EPHA5: variants seen among roughly 807,000 people sequenced by gnomAD.
The protein encoded by EPHA5 is EPH receptor A5, also known as ephrin type-A receptor 5.
EPHA5 carries 60 observed loss-of-function variants against 105.0 expected under a neutral mutation model. The observed-to-expected ratio is 0.57, with a 90% CI of 0.46 to 0.71. The LOEUF (loss-of-function observed/expected upper bound fraction) is 0.71, where lower values mean the gene tolerates loss of function less well. Ranked by LOEUF, EPHA5 falls within the 30% of genes least tolerant of loss-of-function variation. The pLI is 0.00. For synonymous variants in EPHA5, 513 were observed against 449.1 expected, an observed-to-expected ratio of 1.14 and a Z score of -1.80; for missense variants, 1,218 against 1,274.7, an observed-to-expected ratio of 0.96 and a Z score of 0.68.
chr4:65,592,626 A>G (rs1300332247), intron 3 of EPHA5, among the ~76,000 whole-genome samples: 1 of 152,232 alleles, frequency 6.6e-6, no homozygotes, highest in Non-Finnish European at 1.5e-5. Context: ...ACCTTCAAGA[A>G]TCAAAATCAG....
At chr4:65,364,773 G>T (rs187370342) in intron 11 of EPHA5, among the ~76,000 whole-genome samples, 1 of 151,358 alleles carries the variant, frequency 6.6e-6, no homozygotes, top group East Asian at 1.9e-4. Context: ...CTTTTATCTG[G>T]ATACATTTTT....
At chr4:65,326,157 A>T (rs771141817) in intron 16 of EPHA5, among the ~76,000 whole-genome samples, 1 of 150,808 alleles carries the variant, frequency 6.6e-6, no homozygotes, top group Non-Finnish European at 1.5e-5. Context: ...TACATCCTGT[A>T]TGCTAGAAAT....
intron 2 of EPHA5, among the ~76,000 whole-genome samples, chr4:65,624,852 C>T (rs1308131458): frequency 2.6e-5 from 4 of 152,046 alleles, no homozygotes; most frequent in Non-Finnish European, 1.5e-5. Context: ...GATTTCTTAC[C>T]AATAAAGTGG....
intron 5 of EPHA5, among the ~76,000 whole-genome samples, chr4:65,453,736 G>C (rs577286235): frequency 6.6e-6 from 1 of 152,246 alleles, no homozygotes; most frequent in East Asian, 1.9e-4. Flanking sequence ...GGAAGAATCA[G>C]GGGAGAAGGG....
chr4:65,640,765 C>T (rs1158091344), intron 2 of EPHA5, among the ~76,000 whole-genome samples: 1 of 152,182 alleles, frequency 6.6e-6, no homozygotes, highest in Non-Finnish European at 1.5e-5. Context: ...TGCTTGTGCA[C>T]AAGTAAAACC....
intron 5 of EPHA5, among the ~76,000 whole-genome samples, chr4:65,488,337 T>C (rs1359605516): frequency 6.6e-6 from 1 of 152,222 alleles, no homozygotes; most frequent in Admixed American, 6.5e-5. Flanking sequence ...AAAATGTACT[T>C]CTAAAGGAAC....
intron 3 of EPHA5, among the ~76,000 whole-genome samples, chr4:65,568,346 T>C (rs924255665): frequency 2.0e-5 from 3 of 151,464 alleles, no homozygotes; most frequent in Non-Finnish European, 3.0e-5. Flanking sequence ...CTCAAAATAT[T>C]GTTGCATTTG....
intron 3 of EPHA5, among the ~76,000 whole-genome samples, chr4:65,552,307 C>T (rs184541992): frequency 9.9e-5 from 15 of 152,264 alleles, no homozygotes; most frequent in Admixed American, 9.2e-4. Flanking sequence ...ATTGTTAAAG[C>T]GATATCTTTC....
At position 65,502,164 on chromosome 4, in the gene EPHA5, A is replaced by G. The variant is rs922437129; in HGVS notation, c.911-6621T>C. Among the ~76,000 whole-genome samples the G allele has an allele frequency of 2.8e-4, 42 of 151,710 alleles. 1 individual carries two copies. The highest frequency in any genetic ancestry group is 2.6e-3 in the Admixed American group (39 of 15,144). On this transcript the variant is annotated intron_variant, in intron 3 of 16. Transcript: ENST00000613740. Reference sequence around the variant, plus strand: ...TATAAAAATCCTAGAAGAAAACATTAGGAAACACCATTCTAGACATTGACT... The same window carrying G: ...TATAAAAATCCTAGAAGAAAACATTGGGAAACACCATTCTAGACATTGACT...
At chr4:65,405,109 T>C (rs1280477091) in intron 7 of EPHA5, among the ~76,000 whole-genome samples, 1 of 152,176 alleles carries the variant, frequency 6.6e-6, no homozygotes, top group African/African-American at 2.4e-5. Context: ...TATCTTACGA[T>C]TGGATACATT....
intron 8 of EPHA5, among the ~76,000 whole-genome samples, chr4:65,387,395 T>G (rs1165147358): frequency 1.3e-5 from 2 of 152,000 alleles, no homozygotes; most frequent in African/African-American, 4.8e-5. Flanking sequence ...AGAAGTTCCT[T>G]CTCATTTCAA....
chr4:65,527,255 T>C (rs78541533), intron 3 of EPHA5, among the ~76,000 whole-genome samples: 1 of 152,228 alleles, frequency 6.6e-6, no homozygotes, highest in African/African-American at 2.4e-5. Context: ...GAACCTATAA[T>C]AGAATACTAC....
At chr4:65,488,816 C>A (rs903216219) in intron 5 of EPHA5, among the ~76,000 whole-genome samples, 1 of 151,168 alleles carries the variant, frequency 6.6e-6, no homozygotes, top group African/African-American at 2.4e-5. Flanking sequence ...ACAATCTGGG[C>A]TAATTTTGAA....
At chr4:65,468,532 C>A (rs1180016483) in intron 5 of EPHA5, among the ~76,000 whole-genome samples, 25 of 127,700 alleles carry the variant, frequency 2.0e-4, no homozygotes, top group African/African-American at 6.5e-4. Flanking sequence ...CAGACACACA[C>A]CTTTATATAT....
At chr4:65,388,684 G>T in intron 8 of EPHA5, among the ~76,000 whole-genome samples, 1 of 145,132 alleles carries the variant, frequency 6.9e-6, no homozygotes, top group African/African-American at 2.6e-5. Flanking sequence ...TTGTAAATTT[G>T]TTGGAGTTCA....
chr4:65,593,356 T>A (rs530310830), intron 3 of EPHA5, among the ~76,000 whole-genome samples: 1 of 152,292 alleles, frequency 6.6e-6, no homozygotes, highest in East Asian at 1.9e-4. Flanking sequence ...AATAAATTAC[T>A]GTTCTTGACC....
In EPHA5 at chr4:65,474,012, G is replaced by A. The variant is rs1418277871; in HGVS notation, c.1402+16365C>T. On this transcript the variant is annotated intron_variant, in intron 5 of 16. Coordinates refer to ENST00000613740, the MANE Select transcript of EPHA5 (RefSeq NM_001281766.3). The stretch of plus-strand genomic sequence containing the variant: ...AGGAAGGGGGACATCACACACCGGG[G>A]CCTGTTGTGGGGTGGGGGGAGAGGG... Among the ~76,000 whole-genome samples the A allele has an allele frequency of 4.7e-5, 7 of 149,886 alleles. No homozygotes were observed. In the Admixed American group the frequency reaches 4.7e-4, roughly 10 times the overall value.
intron 14 of EPHA5, among the ~76,000 whole-genome samples, chr4:65,342,837 C>T (rs933233684): frequency 3.3e-5 from 5 of 151,824 alleles, no homozygotes; most frequent in Admixed American, 6.6e-5. Context: ...AAGAGAGGCA[C>T]ACCCAGTACA....
chr4:65,379,111 C>A (rs1329468295), intron 8 of EPHA5, among the ~76,000 whole-genome samples: 1 of 151,830 alleles, frequency 6.6e-6, no homozygotes, highest in African/African-American at 2.4e-5. Flanking sequence ...CATGGGAAAA[C>A]AATAACTGCA....
Sources: gnomAD v4.1 joint callset for allele counts (sites outside exome capture counted in the v4.1 genomes callset) on GRCh38, gnomAD v4.1.1 for gene constraint, MANE v1.5 for transcripts, NCBI Gene and HGNC (gene_info 2026-07-23, HGNC 2026-07-21) for gene names.